The following HCN1 variants were observed in gnomAD, a reference collection of about 807,000 sequenced individuals.
HCN1 encodes hyperpolarization activated cyclic nucleotide gated potassium channel 1, also known as potassium/sodium hyperpolarization-activated cyclic nucleotide-gated channel 1.
Under a neutral mutation model 78.9 loss-of-function variants are expected in HCN1, and 13 were observed. The observed-to-expected ratio is 0.16, with a 90% CI of 0.11 to 0.26. The LOEUF is 0.26. Among genes scored for constraint, HCN1 ranks in the 10% least tolerant of loss-of-function variants. The probability of loss-of-function intolerance (pLI) is 1.00; values close to 1 mark genes in which losing one functional copy is unlikely to be tolerated. For missense variants in HCN1, 810 were observed against 1,154.3 expected (o/e 0.70, Z 4.32); for synonymous variants, 552 against 455.5 (o/e 1.21, Z -2.70).
chr5:45,487,641 AT>A (rs1196874490), intron 2 of HCN1, among the ~76,000 whole-genome samples: 1 of 151,990 alleles, frequency 6.6e-6, no homozygotes, highest in Admixed American at 6.6e-5. Context: ...GCATTTTCTG[AT>A]TTTTTTCCAA....
chr5:45,328,076 C>G (rs747036196), intron 5 of HCN1, among the ~76,000 whole-genome samples: 21 of 151,596 alleles, frequency 1.4e-4, no homozygotes, highest in Non-Finnish European at 3.0e-4. Context: ...CCCCTGTCCT[C>G]TGTGGGGAGT....
chr5:45,595,908 T>C (rs1744484192), intron 2 of HCN1, among the ~76,000 whole-genome samples: 1 of 151,772 alleles, frequency 6.6e-6, no homozygotes, highest in South Asian at 2.1e-4. Context: ...TTTTTTTTAT[T>C]TGACGGAGTC....
intron 1 of HCN1, among the ~76,000 whole-genome samples, chr5:45,667,841 C>T (rs1459482768): frequency 1.3e-5 from 2 of 151,922 alleles, no homozygotes; most frequent in African/African-American, 4.8e-5. Flanking sequence ...AAAACAACTC[C>T]TATTCATAAA....
intron 2 of HCN1, among the ~76,000 whole-genome samples, chr5:45,545,234 G>T (rs1457077462): frequency 1.3e-5 from 2 of 152,174 alleles, no homozygotes; most frequent in East Asian, 3.9e-4. Context: ...TCTGTTGGCT[G>T]CATAAATGTC....
chr5:45,482,617 TTC>T (rs1010440494), intron 2 of HCN1, among the ~76,000 whole-genome samples: 9 of 152,086 alleles, frequency 5.9e-5, no homozygotes, highest in African/African-American at 2.2e-4. Context: ...TTTTTTAAAT[TTC>T]AACTTTTGTT....
chr5:45,608,130 C>T (rs1579996568), intron 2 of HCN1, among the ~76,000 whole-genome samples: 2 of 151,824 alleles, frequency 1.3e-5, no homozygotes, highest in East Asian at 1.9e-4. Context: ...AAAATAAGAA[C>T]TTCAGTATTA....
intron 2 of HCN1, among the ~76,000 whole-genome samples, chr5:45,591,277 G>T (rs1744359926): frequency 6.6e-6 from 1 of 151,984 alleles, no homozygotes; most frequent in South Asian, 2.1e-4. Flanking sequence ...AATTCTTTTG[G>T]GTAAATACCA....
intron 2 of HCN1, among the ~76,000 whole-genome samples, chr5:45,615,436 A>G (rs1165108478): frequency 6.6e-6 from 1 of 152,004 alleles, no homozygotes; most frequent in Non-Finnish European, 1.5e-5. Flanking sequence ...TTATGCCTCA[A>G]TTGCAGAAAG....
intron 2 of HCN1, among the ~76,000 whole-genome samples, chr5:45,524,505 C>G (rs1375564619): frequency 6.6e-6 from 1 of 152,128 alleles, no homozygotes; most frequent in Admixed American, 6.6e-5. Flanking sequence ...ATGAAATGTT[C>G]TTCCATTTGT....
At chr5:45,348,093 A>T (rs1375985092) in intron 5 of HCN1, among the ~76,000 whole-genome samples, 1 of 152,158 alleles carries the variant, frequency 6.6e-6, no homozygotes, top group Non-Finnish European at 1.5e-5. Context: ...ATGAAGGAAA[A>T]AATGTTCAGG....
intron 1 of HCN1, among the ~76,000 whole-genome samples, chr5:45,692,085 T>C (rs1739925949): frequency 6.6e-6 from 1 of 152,232 alleles, no homozygotes; most frequent in African/African-American, 2.4e-5. Context: ...TGTGTAAGCA[T>C]GATGGAACAA....
intron 1 of HCN1, among the ~76,000 whole-genome samples, chr5:45,663,955 TG>T (rs1745977029): frequency 6.9e-6 from 1 of 144,672 alleles, no homozygotes; most frequent in Non-Finnish European, 1.5e-5. Context: ...ATCCCATTAC[TG>T]GGTATATACC....
chr5:45,322,024 A>T (rs1427027586), intron 5 of HCN1, among the ~76,000 whole-genome samples: 4 of 151,906 alleles, frequency 2.6e-5, no homozygotes, highest in Admixed American at 6.6e-5. Context: ...AACAAATGAG[A>T]TCTTGAGGCA....
chr5:45,462,836 G>A (rs948467602), intron 2 of HCN1, among the ~76,000 whole-genome samples: 1 of 151,894 alleles, frequency 6.6e-6, no homozygotes, highest in Non-Finnish European at 1.5e-5. Context: ...GAATTTACAA[G>A]AAATAGATTC....
At chr5:45,487,886 A>G (rs1022171890) in intron 2 of HCN1, among the ~76,000 whole-genome samples, 2 of 152,100 alleles carry the variant, frequency 1.3e-5, no homozygotes, top group Non-Finnish European at 2.9e-5. Flanking sequence ...AAGAAACAGA[A>G]GGGTTTCGAT....
intron 1 of HCN1, among the ~76,000 whole-genome samples, chr5:45,686,921 T>G (rs746649160): frequency 6.6e-6 from 1 of 152,156 alleles, no homozygotes; most frequent in Non-Finnish European, 1.5e-5. Context: ...TATGTCTTCA[T>G]GTTGTTTGGT....
chr5:45,376,714 A>T (rs1747686888), intron 4 of HCN1, among the ~76,000 whole-genome samples: 1 of 151,942 alleles, frequency 6.6e-6, no homozygotes, highest in African/African-American at 2.4e-5. Flanking sequence ...CTGGCAGGAA[A>T]TAACATTCTT....
intron 1 of HCN1, among the ~76,000 whole-genome samples, chr5:45,657,219 T>C (rs994589918): frequency 2.0e-5 from 3 of 152,298 alleles, no homozygotes; most frequent in Middle Eastern, 3.4e-3. Context: ...ACTGCCAGTA[T>C]AGTGAGAAAT....
At chr5:45,693,241 G>A (rs533435559) in intron 1 of HCN1, among the ~76,000 whole-genome samples, 6 of 152,034 alleles carry the variant, frequency 3.9e-5, no homozygotes, top group Admixed American at 1.3e-4. Context: ...TCTTATATTG[G>A]TTTTGAGATC....
Sources: allele counts gnomAD v4.1 joint callset (sites outside exome capture counted in the v4.1 genomes callset), GRCh38; gene constraint gnomAD v4.1.1; transcripts MANE v1.5; gene names NCBI Gene and HGNC (gene_info 2026-07-23, HGNC 2026-07-21).